FGD4: variants seen among roughly 807,000 people sequenced by gnomAD.
FGD4 encodes the protein FYVE, RhoGEF and PH domain-containing protein 4.
Under a neutral mutation model 102.0 loss-of-function variants are expected in FGD4, and 42 were observed. The ratio of observed to expected loss-of-function variants is 0.41; its 90% CI spans 0.32 to 0.53. The LOEUF is 0.53. Ranked by LOEUF, FGD4 falls within the 20% of genes least tolerant of loss-of-function variation. The pLI is 0.21. For missense variants in FGD4, 902 were observed against 1,078.2 expected (o/e 0.84, Z 2.29); for synonymous variants, 380 against 375.7 (o/e 1.01, Z -0.13).
chr12:32,442,561 C>CTTT lies in FGD4; in HGVS notation c.166+42619_166+42621dup, dbSNP rs35994170. Among the ~76,000 whole-genome samples, 78 of 107,098 alleles carry CTTT rather than the reference C, an allele frequency of 7.3e-4. 5 individuals carry two copies. Among genetic ancestry groups the CTTT allele is most frequent in the African/African-American group, 1.8e-3 (48 of 26,676 alleles). The allele number at this position is 107,098 out of a possible 152,430, so 70.3% of individuals were successfully genotyped here. On this transcript the variant is annotated intron_variant, in intron 1 of 16. Coordinates refer to ENST00000534526, the MANE Select transcript of FGD4 (RefSeq NM_001370298.3). ...TGCTCTGCCTCTCCCATCTTTCATC[C>CTTT]TTTTTTTTTTTTTTTTTTTGGAGAT...
intron 1 of FGD4, among the ~76,000 whole-genome samples, chr12:32,400,650 T>C (rs1381488267): frequency 6.6e-6 from 1 of 152,216 alleles, no homozygotes; most frequent in East Asian, 1.9e-4. Flanking sequence ...ATGTGTTCTC[T>C]TCTCCCCAGG....
At chr12:32,486,873 A>T (rs796102181) in intron 1 of FGD4, among the ~76,000 whole-genome samples, 1 of 152,290 alleles carries the variant, frequency 6.6e-6, no homozygotes, top group South Asian at 2.1e-4. Context: ...GTTCAGTAGG[A>T]AGGAGAAAAA....
At chr12:32,536,927 T>G (rs944661759) in intron 1 of FGD4, among the ~76,000 whole-genome samples, 3 of 151,324 alleles carry the variant, frequency 2.0e-5, no homozygotes, top group Non-Finnish European at 4.4e-5. Context: ...TCTCTCTCTT[T>G]TCTTTTTTTT....
At chr12:32,463,988 T>C (rs1943180209) in intron 1 of FGD4, among the ~76,000 whole-genome samples, 1 of 152,208 alleles carries the variant, frequency 6.6e-6, no homozygotes, top group Non-Finnish European at 1.5e-5. Flanking sequence ...TAGAAGACAC[T>C]GATTTCACGT....
chr12:32,602,083 A>G lies in FGD4; in HGVS notation c.1248-78A>G, dbSNP rs1229269459. Reference sequence around the variant, plus strand: ...TGAGCTGTGATAATGCCACTGCACTACAGTCTGGGTGACAGAACAAGACCC... The same window carrying G: ...TGAGCTGTGATAATGCCACTGCACTGCAGTCTGGGTGACAGAACAAGACCC... On this transcript the variant is annotated intron_variant, in intron 6 of 16. Coordinates refer to ENST00000534526, the MANE Select transcript of FGD4 (RefSeq NM_001370298.3). The G allele has an allele frequency of 1.4e-5, 19 of 1,336,344 alleles. No homozygotes were observed. The Admixed American group carries it at 2.4e-4, about 17-fold the overall frequency. The allele number at this position is 1,336,344 out of a possible 1,614,324, so 82.8% of individuals were successfully genotyped here.
chr12:32,421,863 G>A (rs570582154), intron 1 of FGD4, among the ~76,000 whole-genome samples: 1 of 152,156 alleles, frequency 6.6e-6, no homozygotes, highest in South Asian at 2.1e-4. Flanking sequence ...ACTATAGGCC[G>A]GGCGCAGTGG....
chr12:32,496,530 G>A (rs1454901415), intron 1 of FGD4, among the ~76,000 whole-genome samples: 1 of 152,114 alleles, frequency 6.6e-6, no homozygotes, highest in African/African-American at 2.4e-5. Context: ...TTTATTGTCT[G>A]TGGAGTTTAG....
chr12:32,600,551 G>A, intron 5 of FGD4: 3 of 800,242 alleles, frequency 3.7e-6, no homozygotes, highest in Non-Finnish European at 3.1e-6. Context: ...CTGAAGGTTT[G>A]GGTTTTTGTT....
At chr12:32,590,601 G>T (rs541578759) in intron 4 of FGD4, among the ~76,000 whole-genome samples, 2 of 152,242 alleles carry the variant, frequency 1.3e-5, no homozygotes, top group South Asian at 2.1e-4. Flanking sequence ...ACAGACCCGG[G>T]TTTGAATCCT....
At chr12:32,600,592 C>CA in intron 5 of FGD4, 1 of 195,572 alleles carries the variant, frequency 5.1e-6, no homozygotes, top group Non-Finnish European at 8.1e-6. Context: ...TTCTTTCTTT[C>CA]TTTTTTTTTT....
intron 1 of FGD4, chr12:32,502,272 A>G: frequency 3.0e-6 from 3 of 985,466 alleles, no homozygotes; most frequent in Non-Finnish European, 3.6e-6. Context: ...GGAAGAACAA[A>G]TGAAGGGAGT....
intron 1 of FGD4, among the ~76,000 whole-genome samples, chr12:32,526,030 C>T (rs998223324): frequency 3.3e-5 from 5 of 152,258 alleles, no homozygotes; most frequent in East Asian, 1.9e-4. Flanking sequence ...CCAGTCCCAT[C>T]GACCACGCAA....
At chr12:32,408,022 AAG>A (rs1337337738) in intron 1 of FGD4, among the ~76,000 whole-genome samples, 1 of 148,928 alleles carries the variant, frequency 6.7e-6, no homozygotes, top group East Asian at 1.9e-4. Context: ...AGTTTTGATA[AAG>A]AGCCTTGCTT....
At chr12:32,485,246 T>C (rs1013071224) in intron 1 of FGD4, among the ~76,000 whole-genome samples, 5 of 152,132 alleles carry the variant, frequency 3.3e-5, no homozygotes, top group Admixed American at 1.3e-4. Context: ...ACCTGACTTG[T>C]TTTTATATAG....
chr12:32,449,632 A>G (rs544295598), intron 1 of FGD4, among the ~76,000 whole-genome samples: 1 of 152,294 alleles, frequency 6.6e-6, no homozygotes, highest in African/African-American at 2.4e-5. Context: ...TGTTACTTTG[A>G]TCACTTGATT....
In FGD4 at chr12:32,625,910, G is replaced by C. The variant is rs2136948201; in HGVS notation, c.2172+131G>C. On this transcript the variant is annotated intron_variant, in intron 14 of 16. Coordinates refer to ENST00000534526, the MANE Select transcript of FGD4 (RefSeq NM_001370298.3). ...AAATTTATTTTGGTGCCAATTACGT[G>C]CAGAGGACTGTGCTGAGCCCTGGAG... The C allele has an allele frequency of 2.4e-6, 3 of 1,229,522 alleles. No individual in the cohort carries two copies. The East Asian group carries it at 7.1e-5, about 29-fold the overall frequency. 76.2% of individuals were successfully genotyped at this position (1,229,522 alleles called of 1,614,324 possible).
At chr12:32,592,053 G>C (rs914512172) in intron 4 of FGD4, among the ~76,000 whole-genome samples, 1 of 151,956 alleles carries the variant, frequency 6.6e-6, no homozygotes, top group Non-Finnish European at 1.5e-5. Context: ...CATTGTGTAT[G>C]TATTTGTAAG....
At chr12:32,473,400 G>C (rs1295819308) in intron 1 of FGD4, among the ~76,000 whole-genome samples, 1 of 152,006 alleles carries the variant, frequency 6.6e-6, no homozygotes, top group Admixed American at 6.6e-5. Context: ...AGCGAGCCCA[G>C]GAGCCCACTG....
intron 15 of FGD4, among the ~76,000 whole-genome samples, chr12:32,636,222 T>G (rs989243887): frequency 3.9e-5 from 6 of 152,088 alleles, no homozygotes; most frequent in Non-Finnish European, 7.4e-5. Flanking sequence ...AGTTATCGTC[T>G]GCTAACCAGT....
Sources: gnomAD v4.1 joint callset for allele counts (sites outside exome capture counted in the v4.1 genomes callset) on GRCh38, gnomAD v4.1.1 for gene constraint, MANE v1.5 for transcripts, NCBI Gene and HGNC (gene_info 2026-07-23, HGNC 2026-07-21) for gene names.